Variants in OPCML observed in about 807,000 individuals in gnomAD.
OPCML encodes opioid-binding protein/cell adhesion molecule.
OPCML carries 13 observed loss-of-function variants against 37.8 expected under a neutral mutation model. That is an observed-to-expected ratio of 0.34 (90% CI 0.22 to 0.55). The LOEUF is 0.55. OPCML is among the 20% of genes least tolerant of loss of function. The pLI, the probability that OPCML is intolerant of heterozygous loss-of-function variation, is 0.91. For synonymous variants in OPCML, 176 were observed against 168.8 expected, an observed-to-expected ratio of 1.04 and a Z score of -0.33; for missense variants, 341 against 435.6, an observed-to-expected ratio of 0.78 and a Z score of 1.93.
At chr11:133,368,793 G>T (rs7935141) in intron 1 of OPCML, among the ~76,000 whole-genome samples, 5,134 of 152,216 alleles carry the variant, frequency 0.034, 314 homozygotes, top group African/African-American at 0.12. Flanking sequence ...CTCCACTTAG[G>T]ATAGGAGCCA....
intron 3 of OPCML, among the ~76,000 whole-genome samples, chr11:132,628,272 TGAA>T (rs1333910516): frequency 4.6e-5 from 7 of 152,092 alleles, no homozygotes; most frequent in African/African-American, 1.2e-4. Flanking sequence ...ATGAGTGAAT[TGAA>T]GAAGGTTTGG....
intron 1 of OPCML, among the ~76,000 whole-genome samples, chr11:133,128,775 C>T (rs1949559197): frequency 6.6e-6 from 1 of 152,052 alleles, no homozygotes; most frequent in African/African-American, 2.4e-5. Context: ...TTCATTGACA[C>T]CAGGAGAGGG....
At chr11:133,172,422 G>A (rs1424587975) in intron 1 of OPCML, among the ~76,000 whole-genome samples, 2 of 152,178 alleles carry the variant, frequency 1.3e-5, no homozygotes, top group East Asian at 1.9e-4. Flanking sequence ...AGACCTGAAG[G>A]ATGCAGAGTA....
At position 133,456,476 on chromosome 11, in the gene OPCML, TA is replaced by T. The variant is rs145927923; in HGVS notation, c.61+75787del. ...ATTTTCAATAAACAATCACAAGACATAAAAAAAAAATGGCAAAATATGGCAA... is the reference window on the plus strand; with the variant it reads ...ATTTTCAATAAACAATCACAAGACATAAAAAAAAATGGCAAAATATGGCAA... On this transcript the variant is annotated intron_variant, in intron 1 of 7. Transcript: ENST00000524381. Among the ~76,000 whole-genome samples, 1,073 of 145,390 alleles carry T rather than the reference TA, an allele frequency of 7.4e-3. 11 individuals carry two copies. Among genetic ancestry groups the T allele is most frequent in the African/African-American group, 0.022 (873 of 40,214 alleles).
At chr11:132,907,580 G>A (rs960048935) in intron 2 of OPCML, among the ~76,000 whole-genome samples, 6 of 150,552 alleles carry the variant, frequency 4.0e-5, no homozygotes, top group African/African-American at 1.2e-4. Flanking sequence ...GCAGTGAGCC[G>A]AGATCACGCC....
At chr11:132,768,189 G>T (rs542745236) in intron 2 of OPCML, among the ~76,000 whole-genome samples, 1 of 152,110 alleles carries the variant, frequency 6.6e-6, no homozygotes, top group Non-Finnish European at 1.5e-5. Flanking sequence ...TATTGGAGAC[G>T]CGTAAAGGGC....
intron 1 of OPCML, among the ~76,000 whole-genome samples, chr11:133,437,018 C>G (rs980341037): frequency 6.6e-6 from 1 of 152,174 alleles, no homozygotes; most frequent in Non-Finnish European, 1.5e-5. Context: ...CCAGCCATCA[C>G]CCTTATGAAC....
intron 1 of OPCML, among the ~76,000 whole-genome samples, chr11:133,051,098 T>C (rs564070238): frequency 5.2e-4 from 78 of 151,346 alleles, no homozygotes; most frequent in Non-Finnish European, 7.1e-4. Flanking sequence ...TCTCAAAGCT[T>C]ATGCCCTCTG....
At chr11:133,131,960 A>G (rs975182430) in intron 1 of OPCML, among the ~76,000 whole-genome samples, 2 of 152,208 alleles carry the variant, frequency 1.3e-5, no homozygotes, top group African/African-American at 4.8e-5. Context: ...ACAAAAATTA[A>G]CTTAAAATGG....
chr11:133,084,435 C>T (rs2137039820), intron 1 of OPCML, among the ~76,000 whole-genome samples: 1 of 152,326 alleles, frequency 6.6e-6, no homozygotes, highest in East Asian at 1.9e-4. Context: ...TAAGCTTCAG[C>T]TGAGAGATTC....
At chr11:133,360,078 C>T (rs1327550662) in intron 1 of OPCML, 1 of 152,162 alleles carries the variant, frequency 6.6e-6, no homozygotes, top group Admixed American at 6.5e-5. Flanking sequence ...GTTTATTGAA[C>T]ATTGACAATG....
At chr11:132,472,008 G>C (rs1304915121) in intron 4 of OPCML, among the ~76,000 whole-genome samples, 1 of 152,186 alleles carries the variant, frequency 6.6e-6, no homozygotes. Context: ...AAACTCATTT[G>C]CTAAAGATGG....
rs544249216 is a variant in OPCML at position 133,155,555 on chromosome 11, C to T, written c.62-212545G>A. ...TTCTACAATTCCTTGCATGCAAAGGCCCCCAAGCCTCCTTACTTCACCCGC... is the reference window on the plus strand; with the variant it reads ...TTCTACAATTCCTTGCATGCAAAGGTCCCCAAGCCTCCTTACTTCACCCGC... On this transcript the variant is annotated intron_variant, in intron 1 of 7. Transcript: ENST00000524381. 3.5e-4 allele frequency among the ~76,000 whole-genome samples: 53 copies of T among 152,196 alleles called. No individual in the cohort carries two copies. The South Asian group carries it at 0.011, about 30-fold the overall frequency.
chr11:133,326,946 GGTGT>G (rs983284081), intron 1 of OPCML, among the ~76,000 whole-genome samples: 1 of 147,780 alleles, frequency 6.8e-6, no homozygotes, highest in Non-Finnish European at 1.5e-5. Flanking sequence ...GCGTGGGTGG[GGTGT>G]GTGTATGAGG....
At chr11:133,496,042 C>G (rs1947779824) in intron 1 of OPCML, among the ~76,000 whole-genome samples, 1 of 152,184 alleles carries the variant, frequency 6.6e-6, no homozygotes, top group Non-Finnish European at 1.5e-5. Flanking sequence ...ACATCTTAGG[C>G]TTAAGTCCTT....
At chr11:132,947,234 T>C (rs1004548569) in intron 1 of OPCML, among the ~76,000 whole-genome samples, 2 of 152,184 alleles carry the variant, frequency 1.3e-5, no homozygotes, top group Admixed American at 6.5e-5. Flanking sequence ...AGGTTCCCGA[T>C]AGGAAAAGAA....
At chr11:133,270,256 T>C (rs1204253983) in intron 1 of OPCML, among the ~76,000 whole-genome samples, 2 of 152,220 alleles carry the variant, frequency 1.3e-5, no homozygotes, top group African/African-American at 2.4e-5. Flanking sequence ...GAGTTCTTGA[T>C]ACACTGCAAA....
intron 1 of OPCML, among the ~76,000 whole-genome samples, chr11:133,240,228 A>C (rs1049731630): frequency 6.6e-6 from 1 of 150,970 alleles, no homozygotes; most frequent in Non-Finnish European, 1.5e-5. Context: ...AAAAAAAAAA[A>C]AAAAAAACAG....
chr11:132,706,462 T>G (rs920220669), intron 2 of OPCML, among the ~76,000 whole-genome samples: 4 of 152,182 alleles, frequency 2.6e-5, no homozygotes, highest in Non-Finnish European at 5.9e-5. Context: ...CTGCTTCTTG[T>G]AGAGATTTTT....
Sources: gnomAD v4.1 joint callset for allele counts (sites outside exome capture counted in the v4.1 genomes callset) on GRCh38, gnomAD v4.1.1 for gene constraint, MANE v1.5 for transcripts, NCBI Gene and HGNC (gene_info 2026-07-23, HGNC 2026-07-21) for gene names.